GRIK2: variants seen among roughly 807,000 people sequenced by gnomAD.
GRIK2 encodes the protein glutamate receptor ionotropic, kainate 2.
Under a neutral mutation model 100.3 loss-of-function variants are expected in GRIK2, and 32 were observed. That is an observed-to-expected ratio of 0.32 (90% confidence interval 0.24 to 0.43). The LOEUF (loss-of-function observed/expected upper bound fraction) is 0.43, where lower values mean the gene tolerates loss of function less well. Among genes scored for constraint, GRIK2 ranks in the 20% least tolerant of loss-of-function variants. The pLI is 1.00. For synonymous variants in GRIK2, 417 were observed against 389.4 expected, an observed-to-expected ratio of 1.07 and a Z score of -0.83; for missense variants, 843 against 1,114.9, an observed-to-expected ratio of 0.76 and a Z score of 3.47.
chr6:101,409,421 T>C (rs1220106893), intron 2 of GRIK2, among the ~76,000 whole-genome samples: 2 of 152,138 alleles, frequency 1.3e-5, no homozygotes, highest in Admixed American at 1.3e-4. Context: ...TGTATTCCTG[T>C]TGTTAAGCAC....
chr6:101,865,992 T>C (rs1284846042), intron 11 of GRIK2, among the ~76,000 whole-genome samples: 1 of 151,856 alleles, frequency 6.6e-6, no homozygotes, highest in African/African-American at 2.4e-5. Context: ...ACTATTATTA[T>C]TGTATTTTTA....
chr6:101,658,751 T>C (rs1769384801), intron 4 of GRIK2, among the ~76,000 whole-genome samples: 1 of 152,250 alleles, frequency 6.6e-6, no homozygotes, highest in Admixed American at 6.5e-5. Flanking sequence ...CACTGTGGTT[T>C]TGATTTGCAT....
intron 7 of GRIK2, among the ~76,000 whole-genome samples, chr6:101,771,301 ATAGC>A (rs1778387981): frequency 6.6e-6 from 1 of 151,982 alleles, no homozygotes; most frequent in African/African-American, 2.4e-5. Flanking sequence ...AAAAGTACAA[ATAGC>A]TAGTGTGGTT....
rs150519924 is a variant in GRIK2 at position 101,907,140 on chromosome 6, A to G, written c.1748+17277A>G. On this transcript the variant is annotated intron_variant, in intron 12 of 16. Transcript: ENST00000369134. Reference sequence around the variant, plus strand: ...AACTGTACAACATGTTAAGGAATATATATTAGATATATAACATTTAAATAA... The same window carrying G: ...AACTGTACAACATGTTAAGGAATATGTATTAGATATATAACATTTAAATAA... Among the ~76,000 whole-genome samples, 477 of 151,822 alleles carry G rather than the reference A, an allele frequency of 3.1e-3. 1 individual carries two copies. The highest frequency in any genetic ancestry group is 0.011 in the African/African-American group (462 of 41,490).
intron 2 of GRIK2, among the ~76,000 whole-genome samples, chr6:101,596,611 A>G (rs1298976250): frequency 6.6e-6 from 1 of 151,692 alleles, no homozygotes; most frequent in Non-Finnish European, 1.5e-5. Context: ...GATACTCTAG[A>G]TTTAGATTAG....
intron 2 of GRIK2, among the ~76,000 whole-genome samples, chr6:101,617,638 T>C (rs189546177): frequency 6.6e-4 from 100 of 151,982 alleles, no homozygotes; most frequent in African/African-American, 2.4e-3. Flanking sequence ...TGCTGGTGTA[T>C]ATAAAATTGT....
At chr6:101,608,248 G>A (rs866931715) in intron 2 of GRIK2, among the ~76,000 whole-genome samples, 1 of 151,664 alleles carries the variant, frequency 6.6e-6, no homozygotes, top group African/African-American at 2.4e-5. Context: ...TATTTTATTA[G>A]CCATATATTC....
chr6:101,874,577 C>T (rs1267613609), intron 11 of GRIK2, among the ~76,000 whole-genome samples: 1 of 152,070 alleles, frequency 6.6e-6, no homozygotes, highest in African/African-American at 2.4e-5. Flanking sequence ...CTTGGCAATG[C>T]AGGCTCTTTT....
At chr6:101,642,673 T>C (rs1229211330) in intron 4 of GRIK2, among the ~76,000 whole-genome samples, 1 of 151,772 alleles carries the variant, frequency 6.6e-6, no homozygotes, top group Non-Finnish European at 1.5e-5. Context: ...CTTTTAGCTA[T>C]TATAAATAAT....
chr6:101,674,431 T>G (rs1770674517), intron 4 of GRIK2, among the ~76,000 whole-genome samples: 1 of 152,204 alleles, frequency 6.6e-6, no homozygotes, highest in African/African-American at 2.4e-5. Context: ...CCTTGTAAAA[T>G]GTACTCTAAT....
rs558660917 is a variant in GRIK2, at chr6:101,835,056, C to T, written c.1317+16573C>T. 2.2e-3 allele frequency among the ~76,000 whole-genome samples: 330 copies of T among 152,028 alleles called. 2 individuals carry two copies. The highest frequency in any genetic ancestry group is 7.7e-3 in the African/African-American group (320 of 41,526). On this transcript the variant is annotated intron_variant, in intron 10 of 16. Coordinates refer to ENST00000369134, the MANE Select transcript of GRIK2 (RefSeq NM_021956.5). ...TAAAGTCAACTTCCACATTTTTTGTCCCTTAACTTGACTAGTGCCAATAAG... is the reference window on the plus strand; with the variant it reads ...TAAAGTCAACTTCCACATTTTTTGTTCCTTAACTTGACTAGTGCCAATAAG...
intron 2 of GRIK2, among the ~76,000 whole-genome samples, chr6:101,440,442 AGAG>A (rs1471564212): frequency 6.6e-6 from 1 of 152,200 alleles, no homozygotes; most frequent in East Asian, 1.9e-4. Flanking sequence ...CCAATGGTTC[AGAG>A]CCACAAGAAC....
At chr6:101,931,895 T>C (rs915601220) in intron 14 of GRIK2, among the ~76,000 whole-genome samples, 1 of 152,036 alleles carries the variant, frequency 6.6e-6, no homozygotes, top group Non-Finnish European at 1.5e-5. Flanking sequence ...CAAAACCTAC[T>C]TGGAATCTGG....
chr6:101,986,708 G>A (rs574206751), intron 14 of GRIK2, among the ~76,000 whole-genome samples: 2 of 151,822 alleles, frequency 1.3e-5, no homozygotes, highest in East Asian at 2.0e-4. Context: ...TATGAGTATC[G>A]GCACCAGACA....
intron 12 of GRIK2, among the ~76,000 whole-genome samples, chr6:101,908,326 T>TTTTC (rs60006135): frequency 2.0e-5 from 3 of 148,624 alleles, no homozygotes; most frequent in Non-Finnish European, 4.5e-5. Flanking sequence ...ACAATTATTT[T>TTTTC]GCACCAGCCT....
intron 2 of GRIK2, among the ~76,000 whole-genome samples, chr6:101,557,892 A>G (rs1466001905): frequency 6.6e-6 from 1 of 152,186 alleles, no homozygotes; most frequent in Non-Finnish European, 1.5e-5. Flanking sequence ...TATAAATTTG[A>G]TCAAGATTTC....
chr6:102,005,245 T>C (rs1264828412), intron 14 of GRIK2, among the ~76,000 whole-genome samples: 4 of 151,160 alleles, frequency 2.6e-5, no homozygotes, highest in Admixed American at 2.0e-4. Flanking sequence ...CATATAATCT[T>C]ATAAATATTC....
rs1208984230 is a variant in GRIK2 at position 101,762,115 on chromosome 6, T to C, written c.952-37533T>C. On this transcript the variant is annotated intron_variant, in intron 7 of 16. Coordinates refer to ENST00000369134, the MANE Select transcript of GRIK2 (RefSeq NM_021956.5). Reference sequence around the variant, plus strand: ...TCCTTCCTCCCTTCCTTTCCTTCCTTCCTCCCTTCCTTTCCTTCCTCCCTC... The same window carrying C: ...TCCTTCCTCCCTTCCTTTCCTTCCTCCCTCCCTTCCTTTCCTTCCTCCCTC... 4.8e-3 allele frequency among the ~76,000 whole-genome samples: 620 copies of C among 129,788 alleles called. 4 individuals are homozygous for C. Among genetic ancestry groups the C allele is most frequent in the African/African-American group, 0.016 (496 of 30,988 alleles). 85.1% of individuals were successfully genotyped at this position (129,788 alleles called of 152,430 possible). A position where few individuals can be genotyped will look rare whatever the true frequency, so the allele number is the denominator to read the frequency against.
intron 4 of GRIK2, among the ~76,000 whole-genome samples, chr6:101,669,535 G>C (rs1770275017): frequency 6.6e-6 from 1 of 152,068 alleles, no homozygotes; most frequent in Non-Finnish European, 1.5e-5. Context: ...TCTGATTAGG[G>C]TAATCTTTTC....
Sources: gnomAD v4.1 joint callset for allele counts (sites outside exome capture counted in the v4.1 genomes callset) on GRCh38, gnomAD v4.1.1 for gene constraint, MANE v1.5 for transcripts, NCBI Gene and HGNC (gene_info 2026-07-23, HGNC 2026-07-21) for gene names.